NME7: variants seen among roughly 807,000 people sequenced by gnomAD.
NME7 encodes nucleoside diphosphate kinase 7.
A neutral mutation model predicts 49.1 loss-of-function variants in NME7; 41 were observed. The observed-to-expected ratio is 0.83, with a 90% CI of 0.65 to 1.08. The LOEUF (loss-of-function observed/expected upper bound fraction) is 1.08. Among genes scored for constraint, NME7 ranks in the 50% least tolerant of loss-of-function variants. The pLI, the probability that NME7 is intolerant of heterozygous loss-of-function variation, is 0.00. For synonymous variants in NME7, 139 were observed against 150.6 expected (o/e 0.92, Z 0.56); for missense variants, 423 against 463.4 (o/e 0.91, Z 0.80).
intron 3 of NME7, chr1:169,310,752 A>T (rs1200763235): frequency 6.6e-6 from 1 of 152,220 alleles, no homozygotes; most frequent in Non-Finnish European, 1.5e-5. Flanking sequence ...TTTACTAATG[A>T]TGAAACTAGG....
At chr1:169,318,426 T>G (rs1472385952) in intron 3 of NME7, among the ~76,000 whole-genome samples, 1 of 152,088 alleles carries the variant, frequency 6.6e-6, no homozygotes, top group Admixed American at 6.5e-5. Flanking sequence ...AAGAGAGATC[T>G]ATGAAGGAGA....
chr1:169,185,036 G>T (rs1314840278), intron 10 of NME7, among the ~76,000 whole-genome samples: 1 of 152,040 alleles, frequency 6.6e-6, no homozygotes, highest in African/African-American at 2.4e-5. Flanking sequence ...CACAAAAGAG[G>T]GAACTCTAGG....
intron 1 of NME7, among the ~76,000 whole-genome samples, chr1:169,345,082 G>T (rs1403553156): frequency 6.6e-6 from 1 of 152,020 alleles, no homozygotes; most frequent in Non-Finnish European, 1.5e-5. Flanking sequence ...CAATGATTTT[G>T]CCCATTTCCT....
At chr1:169,169,118 T>C (rs777988558) in intron 11 of NME7, 9 of 457,350 alleles carry the variant, frequency 2.0e-5, no homozygotes, top group Non-Finnish European at 3.8e-5. Flanking sequence ...ATGCTACAAT[T>C]TGGTCTTTCA....
intron 8 of NME7, among the ~76,000 whole-genome samples, chr1:169,235,619 T>C (rs1038829739): frequency 3.3e-5 from 5 of 152,102 alleles, no homozygotes; most frequent in Admixed American, 2.0e-4. Flanking sequence ...CAAAAGAAGA[T>C]TTATATGCAA....
At position 169,264,963 on chromosome 1, in the gene NME7, A is replaced by C. The variant is rs1254446964; in HGVS notation, c.754+22340T>G. Among the ~76,000 whole-genome samples, 8 of 133,360 alleles carry C rather than the reference A, an allele frequency of 6.0e-5. 1 individual carries two copies. Among genetic ancestry groups the C allele is most frequent in the Admixed American group, 5.9e-4 (8 of 13,482 alleles). 87.5% of individuals were successfully genotyped at this position (133,360 alleles called of 152,430 possible). A position where few individuals can be genotyped will look rare whatever the true frequency, so the allele number is the denominator to read the frequency against. On this transcript the variant is annotated intron_variant, in intron 7 of 11. Coordinates refer to ENST00000367811, the MANE Select transcript of NME7 (RefSeq NM_013330.5). Reference sequence around the variant, plus strand: ...TACAATCATGGCAGAAGGGGAAGCAAACATGTCCTTCACATGGCGGCAACA... The same window carrying C: ...TACAATCATGGCAGAAGGGGAAGCACACATGTCCTTCACATGGCGGCAACA...
chr1:169,342,121 C>T (rs921825302), intron 1 of NME7, among the ~76,000 whole-genome samples: 1 of 152,070 alleles, frequency 6.6e-6, no homozygotes, highest in South Asian at 2.1e-4. Flanking sequence ...TGTATCCCCA[C>T]CCAAATCTCA....
At position 169,252,288 on chromosome 1, in the gene NME7, G is replaced by A. The variant is rs1320946299; in HGVS notation, c.755-14601C>T. On this transcript the variant is annotated intron_variant, in intron 7 of 11. Transcript: ENST00000367811. ...TGAGATGGTATCTCATTGTGGTTTT[G>A]ATTTGCATTTCTCTGATGGCCAGTG... Among the ~76,000 whole-genome samples, 5 of 151,782 alleles carry A rather than the reference G, an allele frequency of 3.3e-5. No homozygotes were observed. In the East Asian group the frequency reaches 9.6e-4, roughly 29 times the overall value.
intron 4 of NME7, among the ~76,000 whole-genome samples, chr1:169,306,040 T>C (rs544497790): frequency 7.2e-5 from 11 of 152,174 alleles, no homozygotes; most frequent in Non-Finnish European, 8.8e-5. Flanking sequence ...GAACGATGAA[T>C]AGGAATGGAT....
rs1290816800 is a variant in NME7 at position 169,276,259 on chromosome 1, A to G, written c.754+11044T>C. On this transcript the variant is annotated intron_variant, in intron 7 of 11. Transcript: ENST00000367811. ...ATTCAGTGGAATAGTTTCAGAAGGA[A>G]TGGTACCAGTTCCTCCTTGTACCTC... Among the ~76,000 whole-genome samples the G allele has an allele frequency of 4.5e-5, 6 of 133,720 alleles. 1 individual carries two copies. In the East Asian group the frequency reaches 1.2e-3, roughly 27 times the overall value. 87.7% of individuals were successfully genotyped at this position (133,720 alleles called of 152,430 possible).
intron 1 of NME7, among the ~76,000 whole-genome samples, chr1:169,365,846 T>A (rs536707645): frequency 6.6e-6 from 1 of 152,186 alleles, no homozygotes; most frequent in Non-Finnish European, 1.5e-5. Context: ...CAACTGAATA[T>A]GGGAGAAATA....
chr1:169,232,772 T>C (rs1184082961), intron 9 of NME7, among the ~76,000 whole-genome samples: 1 of 151,982 alleles, frequency 6.6e-6, no homozygotes, highest in African/African-American at 2.4e-5. Context: ...GGAAGTTCTT[T>C]AGGCAGAAGG....
chr1:169,185,396 A>G (rs554009275), intron 10 of NME7, among the ~76,000 whole-genome samples: 2 of 152,314 alleles, frequency 1.3e-5, no homozygotes, highest in African/African-American at 4.8e-5. Context: ...CATATTTGTC[A>G]TAACAGTAAA....
chr1:169,342,498 T>C (rs1235996986), intron 1 of NME7, among the ~76,000 whole-genome samples: 2 of 133,086 alleles, frequency 1.5e-5, no homozygotes, highest in East Asian at 2.1e-4. Flanking sequence ...TATATATATA[T>C]ACAAGTACAT....
intron 10 of NME7, among the ~76,000 whole-genome samples, chr1:169,185,947 T>C (rs1302471307): frequency 1.3e-5 from 2 of 152,178 alleles, no homozygotes; most frequent in African/African-American, 4.8e-5. Context: ...AAGTACTTAA[T>C]ATATGATGTT....
intron 10 of NME7, chr1:169,190,737 G>A (rs1198690579): frequency 2.5e-6 from 1 of 397,886 alleles, no homozygotes; most frequent in African/African-American, 2.2e-5. Flanking sequence ...AAAAAGTGTA[G>A]GTTGACTCAT....
chr1:169,360,432 T>C (rs558820129), intron 1 of NME7, among the ~76,000 whole-genome samples: 1 of 152,206 alleles, frequency 6.6e-6, no homozygotes, highest in Non-Finnish European at 1.5e-5. Context: ...AATATTTTGA[T>C]GGAATAGGTA....
At chr1:169,309,486 T>C (rs948647028) in intron 4 of NME7, among the ~76,000 whole-genome samples, 2 of 152,088 alleles carry the variant, frequency 1.3e-5, no homozygotes, top group Non-Finnish European at 2.9e-5. Flanking sequence ...GAAGAGGCCA[T>C]AAAAAGACAA....
intron 1 of NME7, among the ~76,000 whole-genome samples, chr1:169,333,177 A>T (rs1313084438): frequency 6.6e-6 from 1 of 152,192 alleles, no homozygotes; most frequent in Non-Finnish European, 1.5e-5. Context: ...ACTGGAGATC[A>T]TTATGTTAAG....
Sources: gnomAD v4.1 joint callset for allele counts (sites outside exome capture counted in the v4.1 genomes callset) on GRCh38, gnomAD v4.1.1 for gene constraint, MANE v1.5 for transcripts, NCBI Gene and HGNC (gene_info 2026-07-23, HGNC 2026-07-21) for gene names.